DMWD: variants seen among roughly 807,000 people sequenced by gnomAD.
The protein encoded by DMWD is DM1 locus, WD repeat containing.
Under a neutral mutation model 45.8 loss-of-function variants are expected in DMWD, and 19 were observed. The ratio of observed to expected loss-of-function variants is 0.41; its 90% confidence interval spans 0.29 to 0.61. DMWD has a LOEUF of 0.61. Among genes scored for constraint, DMWD ranks in the 20% least tolerant of loss-of-function variants. The probability of loss-of-function intolerance (pLI) is 0.25; values close to 1 mark genes in which losing one functional copy is unlikely to be tolerated. For missense variants in DMWD, 802 were observed against 965.2 expected (o/e 0.83, Z 2.24); for synonymous variants, 515 against 440.5 (o/e 1.17, Z -2.12).
chr19:45,786,915 C>A (rs1568592685), intron 2 of DMWD, 44 bp from the exon 3 acceptor site: 1 of 1,578,640 alleles, frequency 6.3e-7, no homozygotes, highest in Non-Finnish European at 8.6e-7. Context: ...GCAGTAAAAC[C>A]CAGGCAGAAC....
intron 3 of DMWD, 47 bp from the exon 4 acceptor site, chr19:45,784,762 A>C (rs370465801): frequency 1.9e-6 from 3 of 1,598,796 alleles, no homozygotes; most frequent in South Asian, 1.1e-5. Flanking sequence ...AGACTCCCCA[A>C]ATCCCACCAC....
chr19:45,783,728 G>A lies in DMWD; in HGVS notation c.*515C>T, dbSNP rs903126517. On this transcript the variant is annotated 3_prime_UTR_variant, in exon 5 of 5. Coordinates refer to ENST00000270223, the MANE Select transcript of DMWD (RefSeq NM_004943.2). ...CATCTCCTCCGAAGGGGACAGACCCGCTGAGAAAACAGGGAACTTTAGTAT... is the reference window on the plus strand; with the variant it reads ...CATCTCCTCCGAAGGGGACAGACCCACTGAGAAAACAGGGAACTTTAGTAT... The A allele has an allele frequency of 1.6e-5, 7 of 443,610 alleles. No individual in the cohort carries two copies. Among genetic ancestry groups the A allele is most frequent in the East Asian group, 7.1e-5 (2 of 28,202 alleles). 27.5% of individuals were successfully genotyped at this position (443,610 alleles called of 1,614,324 possible).
rs761810910 is a variant in DMWD at position 45,790,842 on chromosome 19, T to C, written c.624+63A>G. On this transcript the variant is annotated intron_variant, in intron 2 of 4. Transcript: ENST00000270223. ...CACTGTTCCGCAGGCAGCTGCATCC[T>C]AATGGCATATAGTGGGTAGGTGAGA... is the stretch of plus-strand genomic sequence containing the variant. 15 of 1,538,816 alleles carry C rather than the reference T, an allele frequency of 9.7e-6. No individual in the cohort carries two copies. In the East Asian group the frequency reaches 2.9e-4, roughly 30 times the overall value.
chr19:45,785,681 C>A lies in DMWD; in HGVS notation c.1815G>T (p.Arg605=). The A allele has an allele frequency of 1.9e-6, 3 of 1,594,938 alleles. No homozygotes were observed. The highest frequency in any genetic ancestry group is 1.7e-6 in the Non-Finnish European group (2 of 1,167,840). ...CCTCCAGGAACAGGAGGACTGTGAG[C>A]CGCTCCTGGGCGATCTTCTTGCACA... ...PLVCKKIAQE[R]LTVLLFLEDC... Residue 605 remains arginine, a synonymous_variant, in exon 3 of 5, where the codon CGG becomes CGT. Coordinates refer to ENST00000270223, the MANE Select transcript of DMWD (RefSeq NM_004943.2).
chr19:45,784,316 G>A, intron 4 of DMWD, 26 bp from the exon 5 acceptor site: 2 of 1,504,322 alleles, frequency 1.3e-6, no homozygotes, highest in Middle Eastern at 2.3e-4. Context: ...GGGAGAGATG[G>A]GAGGGGTTAG....
rs1175345270 is a variant in DMWD, at chr19:45,783,640, ACTC to A, written c.*600_*602del. On this transcript the variant is annotated 3_prime_UTR_variant, in exon 5 of 5. Coordinates refer to ENST00000270223, the MANE Select transcript of DMWD (RefSeq NM_004943.2). Reference sequence around the variant, plus strand: ...GGCGCTGGGCTGGGAGCAGGCCTGCACTCCTCCTCTGGGGAAAGCGGACTGCCT... The same window carrying A: ...GGCGCTGGGCTGGGAGCAGGCCTGCACTCCTCTGGGGAAAGCGGACTGCCT... The A allele has an allele frequency of 1.5e-5, 6 of 400,488 alleles. No individual in the cohort carries two copies. The highest frequency in any genetic ancestry group is 2.2e-5 in the Non-Finnish European group (5 of 227,512). 24.8% of individuals were successfully genotyped at this position (400,488 alleles called of 1,614,324 possible).
rs1970370735 is a variant in DMWD, at chr19:45,792,739, C to G, written c.18G>C (p.Ala6=). 1.7e-6 allele frequency: 2 copies of G among 1,145,580 alleles called. No individual in the cohort carries two copies. The highest frequency in any genetic ancestry group is 7.5e-5 in the South Asian group (2 of 26,638). 71.0% of individuals were successfully genotyped at this position (1,145,580 alleles called of 1,614,324 possible). The change falls in exon 1 of 5, where the codon GCG becomes GCC. Residue 6 remains alanine, a synonymous_variant. Transcript: ENST00000270223. ...CGGCGCCGGGGCCCGAGCCGCCCTC[C>G]GCGCCGCCCGCCGCCATCTTGGGCG... MAAGG[A]EGGSGPGAAM...
chr19:45,787,125 A>T, intron 2 of DMWD: 1 of 607,546 alleles, frequency 1.6e-6, no homozygotes, highest in Non-Finnish European at 2.8e-6. Flanking sequence ...TCGATGTCCC[A>T]TCTTTGGCGA....
intron 3 of DMWD, 149 bp downstream of exon 3, chr19:45,785,445 T>C (rs1228118999): frequency 1.4e-6 from 2 of 1,384,514 alleles, no homozygotes; most frequent in Admixed American, 3.3e-5. Flanking sequence ...TGAGAGGTCT[T>C]GTACTGAGAC....
chr19:45,787,194 C>A, intron 2 of DMWD: 1 of 427,874 alleles, frequency 2.3e-6, no homozygotes, highest in Non-Finnish European at 4.3e-6. Context: ...AACCTCCGGG[C>A]CATGGAACAG....
Position 45,786,006 on chromosome 19 carries a change from G to T in DMWD, c.1490C>A (p.Pro497Gln). 1 of 1,565,766 alleles carries T rather than the reference G, an allele frequency of 6.4e-7. No individual in the cohort carries two copies. Among genetic ancestry groups the T allele is most frequent in the Non-Finnish European group, 8.6e-7 (1 of 1,156,520 alleles). The change falls in exon 3 of 5, where the codon CCG (proline) becomes CAG (glutamine). Residue 497 changes from proline to glutamine, a missense_variant. Physicochemically the swap from Pro to Gln is moderately conservative, Grantham distance 76 (BLOSUM62 -1). Transcript: ENST00000270223. Reference protein sequence around the residue: ...PRSLSRSNSLPHPAGGGKAGG... With the variant: ...PRSLSRSNSLQHPAGGGKAGG... ...CGCCTTGCCCCCGCCAGCTGGGTGC[G>T]GGAGACTGTTGGAGCGGGACAGCGA...
At position 45,786,261 on chromosome 19, in the gene DMWD, G is replaced by C. The variant is rs201189607; in HGVS notation, c.1235C>G (p.Ser412Trp). The change falls in exon 3 of 5, where the codon TCG becomes TGG. Residue 412 changes from serine (S) to tryptophan (W), a missense_variant. Physicochemically the swap from Ser to Trp is radical, Grantham distance 177. Around this residue, in one of 9 missense-constraint regions of DMWD, gnomAD observed 67 missense variants for 57.9 expected, o/e 1.16. Coordinates refer to ENST00000270223, the MANE Select transcript of DMWD (RefSeq NM_004943.2). ...EEEPEAAGTG[S>W]AGGAPLSPLP... The stretch of plus-strand genomic sequence containing the variant: ...TGGAGAGAGCGGGGCGCCCCCGGCC[G>C]AGCCTGTGCCCGCAGCCTCGGGCTC... 2.5e-6 allele frequency: 4 copies of C among 1,606,588 alleles called. No individual in the cohort carries two copies. The highest frequency in any genetic ancestry group is 3.4e-6 in the Non-Finnish European group (4 of 1,175,610).
At position 45,790,938 on chromosome 19, in the gene DMWD, G is replaced by C; in HGVS notation, c.591C>G (p.Ile197Met). Residue 197 changes from isoleucine to methionine, a missense_variant, in exon 2 of 5, where the codon ATC (isoleucine) becomes ATG (methionine). This residue lies in a region of DMWD where 38 missense variants were observed against 76.1 expected (regional missense o/e 0.50). Transcript: ENST00000270223. The stretch of plus-strand genomic sequence containing the variant: ...TGAACAGCTTGCTGGTGTCCTTTTT[G>C]ATGAGATCCAGGTACTGCACTTGAC... ...SAGQVQYLDL[I>M]KKDTSKLFNE... 1 of 1,610,812 alleles carries C rather than the reference G, an allele frequency of 6.2e-7. No individual in the cohort carries two copies. Among genetic ancestry groups the C allele is most frequent in the Non-Finnish European group, 8.5e-7 (1 of 1,178,864 alleles).
chr19:45,784,058 G>T lies in DMWD; in HGVS notation c.*185C>A. ...GTGGGGGACAAGGCTGAGGCCACAA[G>T]GGCTATTACATCGCCCGTGTCCGGG... On this transcript the variant is annotated 3_prime_UTR_variant, in exon 5 of 5. Coordinates refer to ENST00000270223, the MANE Select transcript of DMWD (RefSeq NM_004943.2). 1 of 650,562 alleles carries T rather than the reference G, an allele frequency of 1.5e-6. No homozygotes were observed. The highest frequency in any genetic ancestry group is 2.8e-5 in the East Asian group (1 of 35,234). The allele number at this position is 650,562 out of a possible 1,614,324, so 40.3% of individuals were successfully genotyped here.
chr19:45,784,274 G>A lies in DMWD; in HGVS notation c.1994C>T (p.Pro665Leu). The change falls in exon 5 of 5, where the codon CCA becomes CTA. Residue 665 changes from proline to leucine, a missense_variant. Physicochemically the swap from Pro to Leu is moderately conservative, Grantham distance 98. Transcript: ENST00000270223. ...CACTGTGCCACTCGGGGAGTTGCCT[G>A]GTTGGGAGGAGATGCCCTGGGGAAG... ...KSVVEGISSQ[P>L]GNSPSGTVV 6.6e-7 allele frequency: 1 copy of A among 1,519,260 alleles called. No individual in the cohort carries two copies. The highest frequency in any genetic ancestry group is 8.8e-7 in the Non-Finnish European group (1 of 1,134,060). The allele number at this position is 1,519,260 out of a possible 1,614,324, so 94.1% of individuals were successfully genotyped here.
chr19:45,787,308 C>G (rs1970293678), intron 2 of DMWD: 1 of 237,614 alleles, frequency 4.2e-6, no homozygotes, highest in African/African-American at 2.3e-5. Context: ...AGCAGCGCAC[C>G]ATTCAATCCT....
chr19:45,792,528 C>A lies in DMWD; in HGVS notation c.229G>T (p.Ala77Ser). 3.5e-6 allele frequency: 4 copies of A among 1,138,948 alleles called. No individual in the cohort carries two copies. Among genetic ancestry groups the A allele is most frequent in the Non-Finnish European group, 4.3e-6 (4 of 929,098 alleles). The allele number at this position is 1,138,948 out of a possible 1,614,324, so 70.6% of individuals were successfully genotyped here. The change falls in exon 1 of 5, where the codon GCG becomes TCG. Residue 77 changes from alanine to serine, a missense_variant. Transcript: ENST00000270223. ...SASGPGAAGP[A>S]SSPPPAGPGP... ...GGGCCTGCGGGCGGCGGGGACGACG[C>A]GGGGCCTGCAGCGCCGGGACCGGAG...
intron 2 of DMWD, 93 bp from the exon 3 acceptor site, chr19:45,786,964 A>G (rs972421720): frequency 3.4e-5 from 52 of 1,516,438 alleles, no homozygotes; most frequent in Non-Finnish European, 4.0e-5. Context: ...GCCGTTGGAC[A>G]TGGCCCCGCT....
chr19:45,784,312 G>A, intron 4 of DMWD, 22 bp from the exon 5 acceptor site: 6 of 1,505,080 alleles, frequency 4.0e-6, no homozygotes, highest in Non-Finnish European at 5.3e-6. Flanking sequence ...GAGAGGGAGA[G>A]ATGGGAGGGG....
Sources: allele counts gnomAD v4.1 joint callset, GRCh38; gene constraint gnomAD v4.1.1; regional missense constraint gnomAD v4.1.1; transcripts MANE v1.5; gene names NCBI Gene and HGNC (gene_info 2026-07-23, HGNC 2026-07-21).